The following SLC41A3 variants were observed in gnomAD, a reference collection of about 807,000 sequenced individuals.
The protein encoded by SLC41A3 is SLC41A1-like 2.
In SLC41A3, 44 loss-of-function variants were observed where a neutral mutation model predicts 45.4. The observed-to-expected ratio is 0.97, with a 90% CI of 0.76 to 1.25. The LOEUF (loss-of-function observed/expected upper bound fraction) is 1.25, where lower values mean the gene tolerates loss of function less well. SLC41A3 is among the 50% of genes most tolerant of loss of function. The pLI is 0.00. For missense variants in SLC41A3, 550 were observed against 600.6 expected (o/e 0.92, Z 0.88); for synonymous variants, 256 against 252.4 (o/e 1.01, Z -0.13).
In SLC41A3 at chr3:126,006,875, G is replaced by A. The variant is rs1939158019; in HGVS notation, c.*141C>T. 21 of 1,511,600 alleles carry A rather than the reference G, an allele frequency of 1.4e-5. No homozygotes were observed. In the South Asian group the frequency reaches 2.8e-4, roughly 20 times the overall value. 93.6% of individuals were successfully genotyped at this position (1,511,600 alleles called of 1,614,324 possible). A position where few individuals can be genotyped will look rare whatever the true frequency, so the allele number is the denominator to read the frequency against. The stretch of plus-strand genomic sequence containing the variant: ...AACCCCAGAGCCGAGGTGTGTGAGA[G>A]CTACCTTAGCAGACTCACAAAAGGC... On this transcript the variant is annotated 3_prime_UTR_variant, in exon 11 of 11. Coordinates refer to ENST00000360370, the MANE Select transcript of SLC41A3 (RefSeq NM_017836.4).
intron 1 of SLC41A3, among the ~76,000 whole-genome samples, chr3:126,077,238 G>C (rs1287126487): frequency 6.6e-6 from 1 of 151,996 alleles, no homozygotes; most frequent in East Asian, 1.9e-4. Context: ...AAATTAGCCA[G>C]GTGTGGTGAT....
chr3:126,043,867 A>C (rs1020354442), intron 3 of SLC41A3, among the ~76,000 whole-genome samples: 2 of 151,822 alleles, frequency 1.3e-5, no homozygotes, highest in South Asian at 4.1e-4. Context: ...ATAGGGAAGA[A>C]ATAAGAGACA....
rs7630392 is a variant in SLC41A3, at chr3:126,071,976, T to G, written c.-27-3730A>C. On this transcript the variant is annotated intron_variant, in intron 1 of 10. Coordinates refer to ENST00000360370, the MANE Select transcript of SLC41A3 (RefSeq NM_017836.4). Reference sequence around the variant, plus strand: ...GTTTTGTAGAGATGGGATATCACTGTGTTGCTCAGGCTGGTCTCAAACTCC... The same window carrying G: ...GTTTTGTAGAGATGGGATATCACTGGGTTGCTCAGGCTGGTCTCAAACTCC... 5.7e-3 allele frequency among the ~76,000 whole-genome samples: 864 copies of G among 152,128 alleles called. 4 individuals are homozygous for G. The highest frequency in any genetic ancestry group is 0.019 in the African/African-American group (800 of 41,492).
At chr3:126,034,006 C>G (rs1364223171) in intron 3 of SLC41A3, among the ~76,000 whole-genome samples, 1 of 152,104 alleles carries the variant, frequency 6.6e-6, no homozygotes, top group African/African-American at 2.4e-5. Flanking sequence ...CATAGAGGCA[C>G]ACATGCATGC....
At chr3:126,012,482 C>G (rs537038331) in intron 9 of SLC41A3, 133 bp downstream of exon 9, 4 of 1,188,742 alleles carry the variant, frequency 3.4e-6, no homozygotes, top group Admixed American at 4.2e-5. Flanking sequence ...TTTCTGGGGC[C>G]CTGAAGGTGA....
At chr3:126,011,075 C>T (rs1275523741) in intron 9 of SLC41A3, among the ~76,000 whole-genome samples, 1 of 152,276 alleles carries the variant, frequency 6.6e-6, no homozygotes, top group East Asian at 1.9e-4. Flanking sequence ...AAAAGACAAC[C>T]AACAGACAGC....
At chr3:126,047,623 G>A (rs1033370356) in intron 3 of SLC41A3, among the ~76,000 whole-genome samples, 7 of 152,146 alleles carry the variant, frequency 4.6e-5, no homozygotes, top group Non-Finnish European at 1.0e-4. Context: ...TGACAAGGGT[G>A]CCACGGACAT....
intron 3 of SLC41A3, among the ~76,000 whole-genome samples, chr3:126,036,060 T>G (rs537153177): frequency 6.1e-4 from 93 of 152,362 alleles, no homozygotes; most frequent in African/African-American, 2.0e-3. Flanking sequence ...TCGATGTGCA[T>G]TTAAGATTTC....
At chr3:126,094,533 T>C (rs1235692129) in intron 1 of SLC41A3, among the ~76,000 whole-genome samples, 3 of 152,240 alleles carry the variant, frequency 2.0e-5, no homozygotes, top group African/African-American at 7.2e-5. Context: ...AATTCAGTTA[T>C]ACAACCTATG....
At chr3:126,082,716 C>A (rs1167033071) in intron 1 of SLC41A3, among the ~76,000 whole-genome samples, 1 of 152,232 alleles carries the variant, frequency 6.6e-6, no homozygotes, top group Non-Finnish European at 1.5e-5. Context: ...CTAGGCGCCC[C>A]GTCAGCACCC....
chr3:126,081,759 C>T (rs186843907), intron 1 of SLC41A3, among the ~76,000 whole-genome samples: 318 of 152,346 alleles, frequency 2.1e-3, no homozygotes, highest in African/African-American at 7.4e-3. Flanking sequence ...CTGCCAGAGG[C>T]AACTGGGCAG....
intron 9 of SLC41A3, among the ~76,000 whole-genome samples, chr3:126,012,394 C>T (rs1939806654): frequency 6.6e-6 from 1 of 152,202 alleles, no homozygotes; most frequent in South Asian, 2.1e-4. Context: ...CACCACTAAC[C>T]TAACACCTAG....
chr3:126,016,258 G>A (rs906660947), intron 7 of SLC41A3, among the ~76,000 whole-genome samples: 7 of 152,260 alleles, frequency 4.6e-5, no homozygotes, highest in African/African-American at 1.2e-4. Flanking sequence ...GGCTCTGGAA[G>A]GGCGCTAACC....
At chr3:126,085,525 C>T (rs1945361315), upstream of SLC41A3, 1 of 152,158 alleles carries the variant, frequency 6.6e-6, no homozygotes, top group Non-Finnish European at 1.5e-5. Flanking sequence ...TCTCCTGAGC[C>T]CCAGATCGCC....
intron 1 of SLC41A3, among the ~76,000 whole-genome samples, chr3:126,098,172 A>G (rs530396820): frequency 7.2e-5 from 11 of 152,360 alleles, no homozygotes; most frequent in East Asian, 1.9e-4. Context: ...CTAGCCCCCA[A>G]TGTGACTCTA....
chr3:126,014,067 G>A (rs1342052047), intron 8 of SLC41A3, among the ~76,000 whole-genome samples: 3 of 152,234 alleles, frequency 2.0e-5, no homozygotes, highest in African/African-American at 4.8e-5. Flanking sequence ...ATGCGGGGGC[G>A]GGCTGATGGA....
intron 1 of SLC41A3, chr3:126,092,671 G>C (rs764151475): frequency 6.8e-6 from 1 of 147,288 alleles, no homozygotes; most frequent in African/African-American, 2.5e-5. Flanking sequence ...GTTGGAGAAC[G>C]TGGAGAACTA....
intron 2 of SLC41A3, chr3:126,058,143 C>T (rs1943791744): frequency 6.6e-6 from 1 of 152,360 alleles, no homozygotes; most frequent in African/African-American, 2.4e-5. Context: ...CCAACAGCCA[C>T]CACGCACGCA....
intron 1 of SLC41A3, among the ~76,000 whole-genome samples, chr3:126,072,726 C>T (rs1944686285): frequency 6.6e-6 from 1 of 152,162 alleles, no homozygotes; most frequent in Non-Finnish European, 1.5e-5. Context: ...TCTCAAAGAA[C>T]TTAAAACAGA....
Sources: allele counts gnomAD v4.1 joint callset (sites outside exome capture counted in the v4.1 genomes callset), GRCh38; gene constraint gnomAD v4.1.1; transcripts MANE v1.5; gene names NCBI Gene and HGNC (gene_info 2026-07-23, HGNC 2026-07-21).